CEP162: variants seen among roughly 807,000 people sequenced by gnomAD.
The protein encoded by CEP162 is centrosomal protein 162, also known as centrosomal protein of 162 kDa.
In CEP162, 141 loss-of-function variants were observed where a neutral mutation model predicts 169.2. The observed-to-expected ratio is 0.83, with a 90% CI of 0.73 to 0.96. The LOEUF is 0.96. Among genes scored for constraint, CEP162 ranks in the 40% least tolerant of loss-of-function variants. The pLI is 0.00. For missense variants in CEP162, 1,600 were observed against 1,587.2 expected, an observed-to-expected ratio of 1.01 and a Z score of -0.14; for synonymous variants, 540 against 526.4, an observed-to-expected ratio of 1.03 and a Z score of -0.35.
chr6:84,157,714 T>G (rs2099523803), intron 21 of CEP162, among the ~76,000 whole-genome samples: 1 of 152,090 alleles, frequency 6.6e-6, no homozygotes, highest in South Asian at 2.1e-4. Context: ...TAATAACCAG[T>G]CCTCTTGAGT....
At chr6:84,153,288 A>G (rs1395358571) in intron 22 of CEP162, 109 bp from the exon 23 acceptor site, 1 of 935,924 alleles carries the variant, frequency 1.1e-6, no homozygotes, top group Admixed American at 3.2e-5. Context: ...GGTACTCATT[A>G]TACATTCTGA....
intron 25 of CEP162, among the ~76,000 whole-genome samples, chr6:84,138,660 A>G (rs2099515181): frequency 6.6e-6 from 1 of 152,170 alleles, no homozygotes; most frequent in African/African-American, 2.4e-5. Context: ...TTCTATTTTC[A>G]AGTATTTTAG....
chr6:84,125,007 AG>A lies in CEP162; in HGVS notation c.*62del. The A allele has an allele frequency of 8.3e-7, 1 of 1,210,784 alleles. No individual in the cohort carries two copies. Among genetic ancestry groups the A allele is most frequent in the Non-Finnish European group, 1.2e-6 (1 of 834,536 alleles). 75.0% of individuals were successfully genotyped at this position (1,210,784 alleles called of 1,614,324 possible). ...CTTGTTTTTCATAAGCTGTCCTGAC[AG>A]TGGCACAATCCCATCCATCTTCAGG... On this transcript the variant is annotated 3_prime_UTR_variant, in exon 27 of 27. Coordinates refer to ENST00000403245, the MANE Select transcript of CEP162 (RefSeq NM_014895.4).
At chr6:84,184,603 T>C (rs1230559406) in intron 13 of CEP162, among the ~76,000 whole-genome samples, 1 of 152,130 alleles carries the variant, frequency 6.6e-6, no homozygotes, top group Non-Finnish European at 1.5e-5. Context: ...CTCAGGATTC[T>C]TCCAACCTCA....
Position 84,215,846 on chromosome 6 carries a change from A to C in CEP162, c.249T>G (p.Ser83=), listed in dbSNP as rs746282281. The C allele has an allele frequency of 3.8e-6, 6 of 1,585,528 alleles. No homozygotes were observed. Among genetic ancestry groups the C allele is most frequent in the Non-Finnish European group, 5.2e-6 (6 of 1,164,090 alleles). Residue 83 remains serine, a synonymous_variant, in exon 4 of 27, where the codon TCT becomes TCG. Transcript: ENST00000403245. ...SQPVMEIEEE[S]AEKIQFLKSS... ...TCTTAAGAAATTGAATCTTTTCAGC[A>C]GACTCCTCTTCTATTTCCATAACAG...
intron 22 of CEP162, among the ~76,000 whole-genome samples, chr6:84,154,828 T>C (rs1297987839): frequency 1.3e-5 from 2 of 152,178 alleles, no homozygotes; most frequent in East Asian, 3.9e-4. Context: ...TTCTGATTCA[T>C]TCCTGTTTCA....
intron 18 of CEP162, among the ~76,000 whole-genome samples, chr6:84,167,884 G>A (rs1206276899): frequency 1.3e-5 from 2 of 151,984 alleles, no homozygotes; most frequent in African/African-American, 4.8e-5. Context: ...TGAAAGATGT[G>A]GTCTTTGAAG....
intron 10 of CEP162, among the ~76,000 whole-genome samples, 162 bp downstream of exon 10, chr6:84,194,722 G>A (rs1399590718): frequency 3.9e-5 from 6 of 152,092 alleles, no homozygotes; most frequent in Non-Finnish European, 8.8e-5. Context: ...AAAGTGCTGG[G>A]ATTACAGGCA....
At position 84,152,901 on chromosome 6, in the gene CEP162, A is replaced by G; in HGVS notation, c.3273T>C (p.Asn1091=). 8 of 1,613,680 alleles carry G rather than the reference A, an allele frequency of 5.0e-6. No individual in the cohort carries two copies. Among genetic ancestry groups the G allele is most frequent in the Non-Finnish European group, 6.8e-6 (8 of 1,179,790 alleles). ...CTCTCTTTTTTGCAGCCAGTTCTTC[A>G]TTGAGTCTTACTAATTTAGCTTTAG... The part of the protein sequence containing the change: ...AHAKAKLVRL[N]EELAAKKREI... Residue 1091 remains asparagine, a synonymous_variant, in exon 23 of 27, where the codon AAT becomes AAC. Transcript: ENST00000403245.
At chr6:84,213,807 G>A (rs1239792011) in intron 5 of CEP162, among the ~76,000 whole-genome samples, 1 of 152,142 alleles carries the variant, frequency 6.6e-6, no homozygotes, top group African/African-American at 2.4e-5. Flanking sequence ...CCACAAACCC[G>A]CGCATGCTTA....
At chr6:84,214,524 A>G (rs1301265147) in intron 5 of CEP162, among the ~76,000 whole-genome samples, 1 of 152,190 alleles carries the variant, frequency 6.6e-6, no homozygotes, top group Non-Finnish European at 1.5e-5. Flanking sequence ...CAAGTAGGGT[A>G]AAAATCTCAG....
intron 25 of CEP162, among the ~76,000 whole-genome samples, chr6:84,136,437 G>A (rs1391677742): frequency 2.0e-5 from 3 of 152,164 alleles, no homozygotes; most frequent in Non-Finnish European, 4.4e-5. Flanking sequence ...CTTCTATCAT[G>A]AGCCCACTCC....
chr6:84,201,268 A>T (rs2127732637), intron 8 of CEP162, among the ~76,000 whole-genome samples: 1 of 149,118 alleles, frequency 6.7e-6, no homozygotes, highest in African/African-American at 2.6e-5. Flanking sequence ...ACAGAGCGAG[A>T]GTCTGTCTCA....
intron 13 of CEP162, among the ~76,000 whole-genome samples, chr6:84,184,943 T>A (rs540126471): frequency 3.9e-5 from 6 of 152,068 alleles, no homozygotes; most frequent in African/African-American, 1.4e-4. Context: ...TGAGTGTAAC[T>A]CCATTCTTCC....
chr6:84,124,473 A>C lies in CEP162; in HGVS notation c.*597T>G, dbSNP rs2099508136. ...TTATCCTATGTGAACTAAATCAGACATAAAAAATAAAATATTGCATATATT... is the reference window on the plus strand; with the variant it reads ...TTATCCTATGTGAACTAAATCAGACCTAAAAAATAAAATATTGCATATATT... On this transcript the variant is annotated 3_prime_UTR_variant, in exon 27 of 27. Transcript: ENST00000403245. The C allele has an allele frequency of 6.6e-6, 1 of 152,624 alleles. No individual in the cohort carries two copies. The highest frequency in any genetic ancestry group is 2.4e-5 in the African/African-American group (1 of 41,324). 9.5% of individuals were successfully genotyped at this position (152,624 alleles called of 1,614,324 possible).
chr6:84,174,200 T>G lies in CEP162; in HGVS notation c.2026-12A>C. 1.9e-6 allele frequency: 3 copies of G among 1,591,706 alleles called. No homozygotes were observed. ...TCAAAGCTGCTTAACTTGGAGAAAT[T>G]GCAGAAATTGTTTTATTTGGGGAAG... On this transcript the variant is annotated splice_polypyrimidine_tract_variant and intron_variant, in intron 15 of 26. Transcript: ENST00000403245.
At position 84,155,359 on chromosome 6, in the gene CEP162, C is replaced by T; in HGVS notation, c.2933G>A (p.Gly978Asp). 1 of 1,613,662 alleles carries T rather than the reference C, an allele frequency of 6.2e-7. No homozygotes were observed. Among genetic ancestry groups the T allele is most frequent in the Non-Finnish European group, 8.5e-7 (1 of 1,179,700 alleles). Reference sequence around the variant, plus strand: ...GCTTTTCTTTGCATCTTCATCTTTGCCCTCCAGATCAGCTTCTAGCTTTTT... The same window carrying T: ...GCTTTTCTTTGCATCTTCATCTTTGTCCTCCAGATCAGCTTCTAGCTTTTT... ...RIKKLEADLE[G>D]KDEDAKKSLR... The change falls in exon 22 of 27, where the codon GGC becomes GAC. Residue 978 changes from glycine (G) to aspartate (D), a missense_variant. Transcript: ENST00000403245.
chr6:84,167,118 C>CT (rs1310907656), intron 18 of CEP162, among the ~76,000 whole-genome samples: 3 of 152,242 alleles, frequency 2.0e-5, no homozygotes, highest in African/African-American at 7.2e-5. Context: ...GAGAATTCAC[C>CT]TTTTACCACT....
intron 13 of CEP162, among the ~76,000 whole-genome samples, chr6:84,177,244 T>C (rs1057420786): frequency 6.6e-6 from 1 of 152,174 alleles, no homozygotes; most frequent in African/African-American, 2.4e-5. Context: ...ACATTGACTA[T>C]TTATTGAAGG....
Sources: gnomAD v4.1 joint callset for allele counts (sites outside exome capture counted in the v4.1 genomes callset) on GRCh38, gnomAD v4.1.1 for gene constraint, MANE v1.5 for transcripts, NCBI Gene and HGNC (gene_info 2026-07-23, HGNC 2026-07-21) for gene names.